The following SLC24A2 variants were observed in gnomAD, a reference collection of about 807,000 sequenced individuals.
The protein encoded by SLC24A2 is sodium/potassium/calcium exchanger 2.
SLC24A2 carries 36 observed loss-of-function variants against 62.0 expected under a neutral mutation model. The ratio of observed to expected loss-of-function variants is 0.58; its 90% confidence interval spans 0.44 to 0.77. The LOEUF (loss-of-function observed/expected upper bound fraction) is 0.77. Among genes scored for constraint, SLC24A2 ranks in the 30% least tolerant of loss-of-function variants. The pLI is 0.00. For synonymous variants in SLC24A2, 358 were observed against 294.0 expected (o/e 1.22, Z -2.23); for missense variants, 846 against 817.9 (o/e 1.03, Z -0.42).
the SLC24A2 span, among the ~76,000 whole-genome samples, chr9:20,292,214 G>T: frequency 6.6e-6 from 1 of 152,110 alleles, no homozygotes; most frequent in Non-Finnish European, 1.5e-5. Context: ...CCAGATAGTT[G>T]GTGTCTTCCT....
the SLC24A2 span, among the ~76,000 whole-genome samples, chr9:20,103,865 T>G: frequency 6.6e-6 from 1 of 151,608 alleles, no homozygotes; most frequent in Admixed American, 6.6e-5. Flanking sequence ...CTTTGACGAG[T>G]TGAGAGAAGA....
intron 2 of SLC24A2, among the ~76,000 whole-genome samples, chr9:19,738,032 A>T (rs932359447): frequency 2.0e-5 from 3 of 152,214 alleles, no homozygotes; most frequent in Non-Finnish European, 2.9e-5. Context: ...TTTACGAATA[A>T]CTTGCTGATC....
At chr9:20,100,731 GT>G in the SLC24A2 span, among the ~76,000 whole-genome samples, 1 of 152,146 alleles carries the variant, frequency 6.6e-6, no homozygotes, top group Admixed American at 6.5e-5. Context: ...ACAGATTCAA[GT>G]TGTCAGTCTG....
At chr9:19,815,655 CA>C in the SLC24A2 span, among the ~76,000 whole-genome samples, 11 of 152,244 alleles carry the variant, frequency 7.2e-5, no homozygotes, top group African/African-American at 2.6e-4. Flanking sequence ...CCTGCAGTTT[CA>C]AAAGAGTCAC....
chr9:20,204,830 G>A, the SLC24A2 span, among the ~76,000 whole-genome samples: 7 of 147,136 alleles, frequency 4.8e-5, no homozygotes, highest in Non-Finnish European at 7.4e-5. Context: ...TGCAAGCTCC[G>A]TCTCCCAGGT....
At chr9:19,885,122 T>C in the SLC24A2 span, among the ~76,000 whole-genome samples, 3 of 152,172 alleles carry the variant, frequency 2.0e-5, no homozygotes, top group Admixed American at 2.0e-4. Flanking sequence ...GCCAACAGTG[T>C]CGCTGGGGAC....
At chr9:20,067,650 T>C in the SLC24A2 span, among the ~76,000 whole-genome samples, 1 of 152,154 alleles carries the variant, frequency 6.6e-6, no homozygotes, top group Non-Finnish European at 1.5e-5. Context: ...TGTTTTCTGT[T>C]CCTGCATTAA....
chr9:20,301,670 G>A, the SLC24A2 span, among the ~76,000 whole-genome samples: 1 of 150,776 alleles, frequency 6.6e-6, no homozygotes, highest in African/African-American at 2.4e-5. Context: ...ACCCCCACAT[G>A]CAGAGCCTCC....
upstream of SLC24A2, among the ~76,000 whole-genome samples, chr9:19,793,509 G>A (rs1210744059): frequency 1.3e-5 from 2 of 152,206 alleles, no homozygotes; most frequent in African/African-American, 4.8e-5. Flanking sequence ...ATTTGGTGAT[G>A]ATCAATAATA....
At chr9:19,832,226 C>A in the SLC24A2 span, among the ~76,000 whole-genome samples, 3 of 152,186 alleles carry the variant, frequency 2.0e-5, no homozygotes, top group Non-Finnish European at 4.4e-5. Context: ...AACCCAAACA[C>A]CAGTACCATT....
the SLC24A2 span, chr9:19,929,370 G>A: frequency 1.3e-5 from 2 of 152,078 alleles, no homozygotes; most frequent in African/African-American, 4.8e-5. Flanking sequence ...GTCTTAAATA[G>A]GCTGACTACA....
At chr9:19,869,072 C>A in the SLC24A2 span, among the ~76,000 whole-genome samples, 1 of 152,106 alleles carries the variant, frequency 6.6e-6, no homozygotes, top group African/African-American at 2.4e-5. Context: ...GCCTTGACCA[C>A]CTGGGCTCAA....
chr9:19,659,714 G>GGGTC (rs1819042195), intron 2 of SLC24A2, among the ~76,000 whole-genome samples: 1 of 152,128 alleles, frequency 6.6e-6, no homozygotes, highest in African/African-American at 2.4e-5. Context: ...CAGACCAGGT[G>GGGTC]GGTCTGTGTT....
At chr9:20,001,312 C>G in the SLC24A2 span, among the ~76,000 whole-genome samples, 6 of 152,202 alleles carry the variant, frequency 3.9e-5, no homozygotes, top group African/African-American at 1.2e-4. Flanking sequence ...AACGCACCCT[C>G]TCACCCTCCT....
chr9:19,857,527 T>C, the SLC24A2 span, among the ~76,000 whole-genome samples: 4 of 152,320 alleles, frequency 2.6e-5, no homozygotes, highest in African/African-American at 9.6e-5. Flanking sequence ...TTAAATCTTC[T>C]TTAATTTTTC....
At chr9:19,958,928 G>A in the SLC24A2 span, among the ~76,000 whole-genome samples, 4 of 152,212 alleles carry the variant, frequency 2.6e-5, no homozygotes, top group South Asian at 4.2e-4. Context: ...GATTCTTTGG[G>A]ATGTAGTGTT....
the SLC24A2 span, among the ~76,000 whole-genome samples, chr9:19,917,753 G>A: frequency 6.6e-6 from 1 of 152,036 alleles, no homozygotes; most frequent in African/African-American, 2.4e-5. Context: ...TTCAGTAGAT[G>A]CTTTGGAGTT....
Position 19,511,320 on chromosome 9 carries a change from C to T in SLC24A2, c.*4833G>A, listed in dbSNP as rs1235430063. 1 of 152,064 alleles carries T rather than the reference C, an allele frequency of 6.6e-6. No individual in the cohort carries two copies. Among genetic ancestry groups the T allele is most frequent in the Admixed American group, 6.6e-5 (1 of 15,260 alleles). The allele number at this position is 152,064 out of a possible 1,614,324, so 9.4% of individuals were successfully genotyped here. A position where few individuals can be genotyped will look rare whatever the true frequency, so the allele number is the denominator to read the frequency against. ...GGCAGAGGCAGAGTCAGGGAGCTAA[C>T]AGTAAATAGAAGGTGGAATAGGGCA... On this transcript the variant is annotated 3_prime_UTR_variant, in exon 11 of 11. Transcript: ENST00000341998.
intron 7 of SLC24A2, among the ~76,000 whole-genome samples, chr9:19,551,851 A>C (rs1834862607): frequency 6.6e-6 from 1 of 152,166 alleles, no homozygotes; most frequent in South Asian, 2.1e-4. Context: ...GTTTTATACA[A>C]TCTCTTCAAC....
Sources: gnomAD v4.1 joint callset for allele counts (sites outside exome capture counted in the v4.1 genomes callset) on GRCh38, gnomAD v4.1.1 for gene constraint, MANE v1.5 for transcripts, NCBI Gene and HGNC (gene_info 2026-07-23, HGNC 2026-07-21) for gene names.